DDX4: variants seen among roughly 807,000 people sequenced by gnomAD.
The protein encoded by DDX4 is probable ATP-dependent RNA helicase DDX4.
DDX4 carries 25 observed loss-of-function variants against 100.0 expected under a neutral mutation model. The ratio of observed to expected loss-of-function variants is 0.25; its 90% CI spans 0.18 to 0.35. The LOEUF is 0.35. Ranked by LOEUF, DDX4 falls within the 10% of genes least tolerant of loss-of-function variation. The pLI, the probability that DDX4 is intolerant of heterozygous loss-of-function variation, is 1.00. For synonymous variants in DDX4, 259 were observed against 275.7 expected, an observed-to-expected ratio of 0.94 and a Z score of 0.60; for missense variants, 635 against 882.4, an observed-to-expected ratio of 0.72 and a Z score of 3.55.
At chr5:55,782,038 AT>A (rs1156306645) in intron 10 of DDX4, 57 bp downstream of exon 10, 8 of 1,594,332 alleles carry the variant, frequency 5.0e-6, no homozygotes, top group South Asian at 1.1e-5. Flanking sequence ...TCCAAATTTA[AT>A]TTTTTTCTGT....
intron 15 of DDX4, among the ~76,000 whole-genome samples, chr5:55,789,062 T>C (rs919712532): frequency 3.9e-5 from 6 of 152,064 alleles, no homozygotes; most frequent in African/African-American, 1.2e-4. Context: ...TTGACTTATA[T>C]ATAAAAAAAA....
chr5:55,781,000 G>T, intron 8 of DDX4, 66 bp from the exon 9 acceptor site: 3 of 1,420,594 alleles, frequency 2.1e-6, no homozygotes, highest in Non-Finnish European at 2.9e-6. Flanking sequence ...ATTTTTTTCT[G>T]TTTACTGAAC....
chr5:55,771,714 C>T (rs951124984), intron 7 of DDX4, among the ~76,000 whole-genome samples: 2 of 152,110 alleles, frequency 1.3e-5, no homozygotes, highest in African/African-American at 4.8e-5. Flanking sequence ...CTTTTTCTCT[C>T]CTTTTAACCA....
At chr5:55,797,859 G>A (rs1220939971) in intron 17 of DDX4, among the ~76,000 whole-genome samples, 4 of 152,138 alleles carry the variant, frequency 2.6e-5, no homozygotes, top group African/African-American at 9.7e-5. Flanking sequence ...CTTTCATCTC[G>A]TCTCACTTGT....
chr5:55,738,911 A>C, intron 1 of DDX4, 39 bp from the exon 2 acceptor site: 1 of 1,076,656 alleles, frequency 9.3e-7, no homozygotes, highest in East Asian at 2.4e-5. Context: ...TTCTGATCTA[A>C]TTGAGTCCAA....
chr5:55,764,057 C>G lies in DDX4; in HGVS notation c.327C>G (p.Phe109Leu), dbSNP rs760403218. The G allele has an allele frequency of 2.5e-6, 4 of 1,607,914 alleles. No individual in the cohort carries two copies. The South Asian group carries it at 3.3e-5, about 13-fold the overall frequency. Reference protein sequence around the residue: ...SRFEDGDSSGFWRESSNDCED... With the variant: ...SRFEDGDSSGLWRESSNDCED... ...TTGAAGATGGTGATAGCTCTGGTTTCTGGAGAGGTAAGGTTGATATTTTTG... is the reference window on the plus strand; with the variant it reads ...TTGAAGATGGTGATAGCTCTGGTTTGTGGAGAGGTAAGGTTGATATTTTTG... The change falls in exon 6 of 22, where the codon TTC becomes TTG. Residue 109 changes from phenylalanine to leucine, a missense_variant. Physicochemically the swap from Phe to Leu is conservative, Grantham distance 22 (BLOSUM62 0). Around this residue, in one of 4 missense-constraint regions of DDX4, gnomAD observed 446 missense variants for 540.8 expected, o/e 0.82. Transcript: ENST00000505374.
intron 16 of DDX4, 38 bp from the exon 17 acceptor site, chr5:55,792,603 A>AT (rs1234445656): frequency 1.8e-6 from 2 of 1,082,950 alleles, no homozygotes; most frequent in Non-Finnish European, 2.6e-6. Flanking sequence ...ATAAACTAAT[A>AT]TGCATTTTCT....
intron 6 of DDX4, among the ~76,000 whole-genome samples, chr5:55,767,427 G>A (rs1580543700): frequency 1.3e-5 from 2 of 152,188 alleles, no homozygotes; most frequent in African/African-American, 4.8e-5. Context: ...GGGCAATACA[G>A]CTTGACTCCA....
chr5:55,775,697 GGTTAGA>G (rs1741520845), intron 7 of DDX4, among the ~76,000 whole-genome samples: 1 of 150,928 alleles, frequency 6.6e-6, no homozygotes, highest in South Asian at 2.1e-4. Flanking sequence ...TTTATACAAA[GGTTAGA>G]GGATTTATAA....
chr5:55,793,817 A>G (rs1580585293), intron 17 of DDX4, among the ~76,000 whole-genome samples: 1 of 152,348 alleles, frequency 6.6e-6, no homozygotes. Context: ...TTCTGCAGAC[A>G]GTTCCAATGT....
chr5:55,796,842 T>C (rs1242500681), intron 17 of DDX4, among the ~76,000 whole-genome samples: 3 of 109,686 alleles, frequency 2.7e-5, no homozygotes, highest in African/African-American at 7.0e-5. Flanking sequence ...TTTTTTTTTT[T>C]TTTTTTTTTT....
chr5:55,784,204 G>T (rs887209255), intron 10 of DDX4, among the ~76,000 whole-genome samples: 2 of 152,162 alleles, frequency 1.3e-5, no homozygotes, highest in African/African-American at 2.4e-5. Flanking sequence ...GGCGGAGTCA[G>T]GGGGCGGGGG....
chr5:55,793,034 G>T lies in DDX4; in HGVS notation c.1469+227G>T, dbSNP rs12516136. Reference sequence around the variant, plus strand: ...CATTTTATTTAAAAAGTGTGTGTGTGTGTGTGTGTGTGTGTGTGTGTTTGT... The same window carrying T: ...CATTTTATTTAAAAAGTGTGTGTGTTTGTGTGTGTGTGTGTGTGTGTTTGT... On this transcript the variant is annotated intron_variant, in intron 17 of 21. Transcript: ENST00000505374. 4.5e-3 allele frequency among the ~76,000 whole-genome samples: 663 copies of T among 147,408 alleles called. 22 individuals are homozygous for T. Among genetic ancestry groups the T allele is most frequent in the Admixed American group, 0.041 (554 of 13,414 alleles).
intron 2 of DDX4, among the ~76,000 whole-genome samples, chr5:55,745,235 C>T (rs1759189069): frequency 1.3e-5 from 2 of 152,004 alleles, no homozygotes; most frequent in African/African-American, 4.8e-5. Flanking sequence ...ACTATAAATG[C>T]AGTAGAGATT....
At chr5:55,808,455 C>T (rs1743891381) in intron 18 of DDX4, among the ~76,000 whole-genome samples, 1 of 152,116 alleles carries the variant, frequency 6.6e-6, no homozygotes, top group African/African-American at 2.4e-5. Context: ...GTTTTATCTA[C>T]CTTTGGTCTT....
intron 3 of DDX4, among the ~76,000 whole-genome samples, chr5:55,747,427 G>C (rs1305299427): frequency 6.6e-6 from 1 of 152,132 alleles, no homozygotes. Flanking sequence ...GGTGGCCTGT[G>C]CCTGTAGTCC....
At chr5:55,772,991 T>G (rs1418883736) in intron 7 of DDX4, 2 of 152,262 alleles carry the variant, frequency 1.3e-5, no homozygotes, top group Non-Finnish European at 2.9e-5. Context: ...TTAATCAATT[T>G]CCAGAAGAAA....
chr5:55,788,391 G>GT (rs1016319414), intron 15 of DDX4, among the ~76,000 whole-genome samples: 1 of 152,138 alleles, frequency 6.6e-6, no homozygotes, highest in African/African-American at 2.4e-5. Context: ...CAGAAGGATT[G>GT]TTTGAGTCCA....
chr5:55,805,073 T>C (rs868458583), intron 18 of DDX4, among the ~76,000 whole-genome samples: 119 of 152,038 alleles, frequency 7.8e-4, no homozygotes, highest in Non-Finnish European at 1.1e-3. Flanking sequence ...GTATTTTATT[T>C]TCTTTGAAGC....
Sources: allele counts gnomAD v4.1 joint callset (sites outside exome capture counted in the v4.1 genomes callset), GRCh38; gene constraint gnomAD v4.1.1; regional missense constraint gnomAD v4.1.1; transcripts MANE v1.5; gene names NCBI Gene and HGNC (gene_info 2026-07-23, HGNC 2026-07-21).